The following ADGRB3 variants were observed in gnomAD, a reference collection of about 807,000 sequenced individuals.
ADGRB3 encodes the protein brain-specific angiogenesis inhibitor 3.
In ADGRB3, 37 loss-of-function variants were observed where a neutral mutation model predicts 193.4. The observed-to-expected ratio is 0.19, with a 90% CI of 0.15 to 0.25. ADGRB3 has a LOEUF of 0.25. ADGRB3 is among the 10% of genes least tolerant of loss of function. The pLI, the probability that ADGRB3 is intolerant of heterozygous loss-of-function variation, is 1.00. For synonymous variants in ADGRB3, 690 were observed against 644.2 expected, an observed-to-expected ratio of 1.07 and a Z score of -1.08; for missense variants, 1,637 against 1,852.9, an observed-to-expected ratio of 0.88 and a Z score of 2.14.
chr6:69,227,488 G>A (rs565092123), intron 17 of ADGRB3, among the ~76,000 whole-genome samples: 5 of 152,108 alleles, frequency 3.3e-5, no homozygotes, highest in Non-Finnish European at 5.9e-5. Context: ...GGTAAATGGC[G>A]AGAAACACAA....
At chr6:68,769,994 C>T (rs1766584847) in intron 3 of ADGRB3, among the ~76,000 whole-genome samples, 1 of 152,064 alleles carries the variant, frequency 6.6e-6, no homozygotes, top group South Asian at 2.1e-4. Flanking sequence ...TATTGTTATG[C>T]TTCCAATATT....
At chr6:69,165,243 AC>A (rs1775100811) in intron 17 of ADGRB3, among the ~76,000 whole-genome samples, 1 of 152,092 alleles carries the variant, frequency 6.6e-6, no homozygotes, top group African/African-American at 2.4e-5. Context: ...CATCTACAAC[AC>A]AAGACTTTGT....
chr6:69,186,113 A>C (rs1393015847), intron 17 of ADGRB3, among the ~76,000 whole-genome samples: 1 of 151,788 alleles, frequency 6.6e-6, no homozygotes, highest in Non-Finnish European at 1.5e-5. Flanking sequence ...AGAGGGGTAA[A>C]AGAAACTGGG....
At chr6:68,842,781 G>A (rs773784914) in intron 3 of ADGRB3, among the ~76,000 whole-genome samples, 16 of 151,716 alleles carry the variant, frequency 1.1e-4, no homozygotes, top group African/African-American at 2.4e-4. Flanking sequence ...CAAAATACTC[G>A]CAAACAATAC....
chr6:69,040,367 T>TTCTTTCTTTCCTTCTCTC (rs1282503857), intron 13 of ADGRB3, among the ~76,000 whole-genome samples: 1 of 54,218 alleles, frequency 1.8e-5, no homozygotes, highest in Non-Finnish European at 4.0e-5. Context: ...CTTTCTTTCT[T>TTCTTTCTTTCCTTCTCTC]TCTTTCTTTC....
intron 17 of ADGRB3, among the ~76,000 whole-genome samples, chr6:69,180,645 G>A (rs933572081): frequency 6.6e-6 from 1 of 152,294 alleles, no homozygotes; most frequent in Non-Finnish European, 1.5e-5. Context: ...CAAGCTGGCC[G>A]TAGCTGCAAG....
Position 69,167,948 on chromosome 6 carries a change from A to C in ADGRB3, c.2481-65342A>C, listed in dbSNP as rs959419075. Among the ~76,000 whole-genome samples the C allele has an allele frequency of 5.2e-4, 79 of 152,152 alleles. 1 individual carries two copies. The highest frequency in any genetic ancestry group is 1.3e-4 in the Non-Finnish European group (9 of 68,010). On this transcript the variant is annotated intron_variant, in intron 17 of 31. Transcript: ENST00000370598. The stretch of plus-strand genomic sequence containing the variant: ...TTTCCTATGTGCCCAGGAACAAAGA[A>C]ATCTCTAAAAGGAAGTTTTATTTAC...
In ADGRB3 at chr6:68,943,899, C is replaced by A. The variant is rs908237410; in HGVS notation, c.1100C>A (p.Thr367Lys). The change falls in exon 6 of 32, where the codon ACA becomes AAA. Residue 367 changes from threonine to lysine, a missense_variant. Thr to Lys is a moderately conservative substitution (Grantham distance 78). This residue lies in a region of ADGRB3 where 641 missense variants were observed against 673.9 expected (regional missense o/e 0.95). Transcript: ENST00000370598. Reference protein sequence around the residue: ...CSFTCGRGQRTRTRSCTPPQY... With the variant: ...CSFTCGRGQRKRTRSCTPPQY... ...TTTACATGTGGTCGAGGCCAAAGAA[C>A]AAGAACAAGGTCATGCACACCTCCT... 6.2e-7 allele frequency: 1 copy of A among 1,613,904 alleles called. No individual in the cohort carries two copies. The highest frequency in any genetic ancestry group is 8.5e-7 in the Non-Finnish European group (1 of 1,179,844).
intron 17 of ADGRB3, among the ~76,000 whole-genome samples, chr6:69,129,899 T>C (rs1193856263): frequency 6.6e-6 from 1 of 152,306 alleles, no homozygotes; most frequent in South Asian, 2.1e-4. Flanking sequence ...TCTGTTTCAT[T>C]ACCTTTTCCC....
At chr6:68,992,065 T>C (rs2150274331) in intron 10 of ADGRB3, among the ~76,000 whole-genome samples, 1 of 152,228 alleles carries the variant, frequency 6.6e-6, no homozygotes. Context: ...GAGACTACCC[T>C]CAAGTTTCAG....
At chr6:68,859,975 A>G (rs1165031374) in intron 3 of ADGRB3, among the ~76,000 whole-genome samples, 1 of 152,200 alleles carries the variant, frequency 6.6e-6, no homozygotes. Context: ...TAATTATTCC[A>G]TAACATAATA....
At chr6:69,064,086 T>C (rs1245570346) in intron 16 of ADGRB3, among the ~76,000 whole-genome samples, 1 of 151,986 alleles carries the variant, frequency 6.6e-6, no homozygotes. Flanking sequence ...GCTGTAAAAT[T>C]TGTGTATTTT....
chr6:69,055,736 A>G (rs1771525824), intron 15 of ADGRB3, among the ~76,000 whole-genome samples: 1 of 151,938 alleles, frequency 6.6e-6, no homozygotes, highest in African/African-American at 2.4e-5. Flanking sequence ...TCACATTCCC[A>G]CCAACATTGC....
At chr6:69,272,080 A>T (rs764331764) in intron 20 of ADGRB3, among the ~76,000 whole-genome samples, 2 of 152,196 alleles carry the variant, frequency 1.3e-5, no homozygotes, top group Admixed American at 6.5e-5. Flanking sequence ...TGTAAAACAA[A>T]AGAGCAAACA....
chr6:68,935,024 T>C (rs2150247762), intron 4 of ADGRB3, among the ~76,000 whole-genome samples: 1 of 152,338 alleles, frequency 6.6e-6, no homozygotes, highest in East Asian at 1.9e-4. Context: ...CCTTACAATA[T>C]ATGTCCAGTT....
At chr6:68,966,856 A>C (rs1768394730) in intron 8 of ADGRB3, among the ~76,000 whole-genome samples, 1 of 152,224 alleles carries the variant, frequency 6.6e-6, no homozygotes, top group Non-Finnish European at 1.5e-5. Context: ...TATAAGTGGC[A>C]CTGAGAAGTA....
intron 19 of ADGRB3, among the ~76,000 whole-genome samples, chr6:69,235,583 G>A (rs2127258465): frequency 6.6e-6 from 1 of 152,156 alleles, no homozygotes; most frequent in African/African-American, 2.4e-5. Context: ...CAGACAACTA[G>A]TGAACCCTTC....
chr6:68,669,555 T>A (rs1041358619), intron 3 of ADGRB3, among the ~76,000 whole-genome samples: 5 of 151,534 alleles, frequency 3.3e-5, no homozygotes, highest in East Asian at 2.0e-4. Flanking sequence ...CTCACCCACG[T>A]TGTTGTAAAT....
chr6:68,740,609 G>C (rs1188082339), intron 3 of ADGRB3, among the ~76,000 whole-genome samples: 1 of 152,058 alleles, frequency 6.6e-6, no homozygotes, highest in African/African-American at 2.4e-5. Context: ...TATTTCATAG[G>C]AATCATGTCC....
Sources: gnomAD v4.1 joint callset for allele counts (sites outside exome capture counted in the v4.1 genomes callset) on GRCh38, gnomAD v4.1.1 for gene constraint, gnomAD v4.1.1 regional missense constraint, MANE v1.5 for transcripts, NCBI Gene and HGNC (gene_info 2026-07-23, HGNC 2026-07-21) for gene names.